APOBEC1: variants seen among roughly 807,000 people sequenced by gnomAD.
The protein encoded by APOBEC1 is apolipoprotein B mRNA editing enzyme catalytic subunit 1.
In APOBEC1, 22 loss-of-function variants were observed where a neutral mutation model predicts 26.3. The observed-to-expected ratio is 0.84, with a 90% confidence interval of 0.60 to 1.19. APOBEC1 has a LOEUF of 1.19. Among genes scored for constraint, APOBEC1 ranks in the 50% most tolerant of loss-of-function variants. The pLI is 0.00. For missense variants in APOBEC1, 253 were observed against 289.0 expected (o/e 0.88, Z 0.90); for synonymous variants, 77 against 95.3 (o/e 0.81, Z 1.12).
intron 2 of APOBEC1, among the ~76,000 whole-genome samples, chr12:7,653,181 C>T (rs1005176071): frequency 6.6e-6 from 1 of 152,104 alleles, no homozygotes; most frequent in East Asian, 1.9e-4. Context: ...TCGCCCACCT[C>T]AGCCTCCCAA....
intron 1 of APOBEC1, among the ~76,000 whole-genome samples, chr12:7,659,060 T>TCC (rs1161264876): frequency 4.7e-5 from 7 of 149,746 alleles, no homozygotes; most frequent in African/African-American, 1.7e-4. Flanking sequence ...TTTGGGAGGC[T>TCC]GAGGCAGGCA....
At chr12:7,661,396 A>AC (rs2136854113) in intron 1 of APOBEC1, among the ~76,000 whole-genome samples, 1 of 152,146 alleles carries the variant, frequency 6.6e-6, no homozygotes, top group Non-Finnish European at 1.5e-5. Flanking sequence ...CTGCACGTGT[A>AC]CCCCATGAAT....
intron 2 of APOBEC1, among the ~76,000 whole-genome samples, chr12:7,654,021 C>G (rs1407564217): frequency 6.6e-6 from 1 of 152,184 alleles, no homozygotes; most frequent in Admixed American, 6.5e-5. Context: ...ATAGATCAAT[C>G]CTTCCACCTA....
chr12:7,661,717 C>T (rs1380364901), intron 1 of APOBEC1, among the ~76,000 whole-genome samples: 1 of 152,142 alleles, frequency 6.6e-6, no homozygotes, highest in East Asian at 1.9e-4. Context: ...CAGGGCAGTC[C>T]TGCTACATAA....
chr12:7,662,254 CGTT>C (rs1863830470), intron 1 of APOBEC1, among the ~76,000 whole-genome samples: 1 of 148,706 alleles, frequency 6.7e-6, no homozygotes, highest in Admixed American at 6.7e-5. Context: ...CAGAGCAAGA[CGTT>C]GTCTTTAAAA....
intron 1 of APOBEC1, among the ~76,000 whole-genome samples, chr12:7,663,553 C>T (rs958894217): frequency 1.3e-5 from 2 of 151,984 alleles, no homozygotes; most frequent in Non-Finnish European, 2.9e-5. Context: ...TAATCTACTC[C>T]GAGGGAGCCT....
At chr12:7,661,647 T>C (rs1489996806) in intron 1 of APOBEC1, among the ~76,000 whole-genome samples, 1 of 152,116 alleles carries the variant, frequency 6.6e-6, no homozygotes, top group Non-Finnish European at 1.5e-5. Flanking sequence ...AAAGATCCTA[T>C]TGAACCAGCA....
At chr12:7,659,286 C>T (rs1475945827) in intron 1 of APOBEC1, among the ~76,000 whole-genome samples, 3 of 71,354 alleles carry the variant, frequency 4.2e-5, no homozygotes, top group African/African-American at 5.7e-5. Flanking sequence ...AAGAGTGAAA[C>T]TCCCTCTCAA....
chr12:7,654,372 CTTT>C (rs373055650), intron 2 of APOBEC1, among the ~76,000 whole-genome samples: 43 of 136,580 alleles, frequency 3.1e-4, no homozygotes, highest in East Asian at 4.3e-4. Flanking sequence ...TCCACAGTTC[CTTT>C]TTTTTTTTTT....
intron 4 of APOBEC1, 103 bp from the exon 5 acceptor site, chr12:7,649,799 T>C: frequency 1.0e-6 from 1 of 960,884 alleles, no homozygotes. Context: ...ACGATTTAAC[T>C]ATTTCTTCTT....
Position 7,652,820 on chromosome 12 carries a change from G to C in APOBEC1, c.60C>G (p.Pro20=), listed in dbSNP as rs747039859. 20 of 1,588,796 alleles carry C rather than the reference G, an allele frequency of 1.3e-5. No homozygotes were observed. In the South Asian group the frequency reaches 2.3e-4, roughly 18 times the overall value. Residue 20 remains proline (P), a synonymous_variant, in exon 3 of 5, where the codon CCC becomes CCG. Transcript: ENST00000229304. ...GDPTLRRRIE[P]WEFDVFYDPR... ...GGTCATAGAAGACGTCAAACTCCCA[G>C]GGTTCGATTCTTCTCCTGAAATACA...
At chr12:7,660,375 G>GAAAAA (rs1555094887) in intron 1 of APOBEC1, among the ~76,000 whole-genome samples, 7 of 23,968 alleles carry the variant, frequency 2.9e-4, no homozygotes, top group Admixed American at 5.0e-4. Context: ...AAGGAAGGAA[G>GAAAAA]GAAAGAAAGA....
At chr12:7,655,817 C>T (rs1863706987) in intron 1 of APOBEC1, among the ~76,000 whole-genome samples, 1 of 152,032 alleles carries the variant, frequency 6.6e-6, no homozygotes. Context: ...AGTGAGACCC[C>T]ATTCCTACAA....
chr12:7,669,597 G>A (rs1201713507), upstream of APOBEC1, among the ~76,000 whole-genome samples: 1 of 151,824 alleles, frequency 6.6e-6, no homozygotes, highest in African/African-American at 2.4e-5. Context: ...ATAGGGACAG[G>A]GTCTCACTAT....
At chr12:7,667,372 C>T (rs935275909), upstream of APOBEC1, among the ~76,000 whole-genome samples, 5 of 152,118 alleles carry the variant, frequency 3.3e-5, no homozygotes, top group Non-Finnish European at 7.4e-5. Flanking sequence ...CTAAGTCTCC[C>T]TCTAGTGTCT....
chr12:7,660,772 T>TA (rs1863806653), intron 1 of APOBEC1, among the ~76,000 whole-genome samples: 1 of 150,592 alleles, frequency 6.6e-6, no homozygotes, highest in Non-Finnish European at 1.5e-5. Flanking sequence ...TCATAAATCA[T>TA]GTCCTTTGCA....
Position 7,654,566 on chromosome 12 carries a change from G to A in APOBEC1, c.44+39C>T, listed in dbSNP as rs754540773. ...AGCTCTTAAATACCCATTGATTCTT[G>A]ATCAAATTAAATGGGCACTGTGATA... On this transcript the variant is annotated intron_variant, in intron 2 of 4. Coordinates refer to ENST00000229304, the MANE Select transcript of APOBEC1 (RefSeq NM_001644.5). 3.7e-6 allele frequency: 6 copies of A among 1,606,006 alleles called. No homozygotes were observed. In the South Asian group the frequency reaches 4.4e-5, roughly 12 times the overall value.
intron 2 of APOBEC1, among the ~76,000 whole-genome samples, chr12:7,653,151 C>G (rs183088817): frequency 6.6e-6 from 1 of 151,948 alleles, no homozygotes; most frequent in Non-Finnish European, 1.5e-5. Flanking sequence ...AGGCTGGTCT[C>G]AAACTCCTGA....
rs367628933 is a variant in APOBEC1 at position 7,651,934 on chromosome 12, C to T, written c.442+504G>A. Among the ~76,000 whole-genome samples, 911 of 152,148 alleles carry T rather than the reference C, an allele frequency of 6.0e-3. 8 individuals carry two copies. Among genetic ancestry groups the T allele is most frequent in the African/African-American group, 0.021 (861 of 41,554 alleles). On this transcript the variant is annotated intron_variant, in intron 3 of 4. Transcript: ENST00000229304. ...CTCCCGGGTTCACGCCATTCTCCTG[C>T]CTCAGCCTCCCGAGTAGCTGGGACT...
Sources: allele counts gnomAD v4.1 joint callset (sites outside exome capture counted in the v4.1 genomes callset), GRCh38; gene constraint gnomAD v4.1.1; transcripts MANE v1.5; gene names NCBI Gene and HGNC (gene_info 2026-07-23, HGNC 2026-07-21).